The following PHTF2 variants were observed in gnomAD, a reference collection of about 807,000 sequenced individuals.
PHTF2 encodes protein PHTF2.
Under a neutral mutation model 101.2 loss-of-function variants are expected in PHTF2, and 60 were observed. The ratio of observed to expected loss-of-function variants is 0.59; its 90% CI spans 0.48 to 0.73. PHTF2 has a LOEUF of 0.73. Among genes scored for constraint, PHTF2 ranks in the 30% least tolerant of loss-of-function variants. The probability of loss-of-function intolerance (pLI) is 0.00; values close to 1 mark genes in which losing one functional copy is unlikely to be tolerated. For missense variants in PHTF2, 747 were observed against 908.7 expected (o/e 0.82, Z 2.29); for synonymous variants, 311 against 307.3 (o/e 1.01, Z -0.13).
intron 2 of PHTF2, among the ~76,000 whole-genome samples, chr7:77,842,467 C>T (rs2150584563): frequency 6.6e-6 from 1 of 152,198 alleles, no homozygotes; most frequent in African/African-American, 2.4e-5. Context: ...ATTTGATTTG[C>T]TCTATTTTTT....
intron 1 of PHTF2, among the ~76,000 whole-genome samples, chr7:77,807,552 A>AT (rs1392257350): frequency 4.6e-5 from 7 of 152,066 alleles, no homozygotes; most frequent in African/African-American, 9.7e-5. Flanking sequence ...AGGTTATTTG[A>AT]TTTTTTGTTA....
intron 16 of PHTF2, among the ~76,000 whole-genome samples, chr7:77,945,215 G>A (rs996255051): frequency 4.6e-5 from 7 of 152,286 alleles, no homozygotes; most frequent in Admixed American, 6.5e-5. Flanking sequence ...GCTCGCGCCT[G>A]TAATCGCAGC....
At chr7:77,941,476 A>G (rs963023288) in intron 15 of PHTF2, among the ~76,000 whole-genome samples, 1 of 152,154 alleles carries the variant, frequency 6.6e-6, no homozygotes, top group African/African-American at 2.4e-5. Flanking sequence ...ATTCTTTTGT[A>G]CATTGATTAT....
In PHTF2 at chr7:77,920,484, A is replaced by G. The variant is rs1226804981; in HGVS notation, c.963+19A>G. The G allele has an allele frequency of 6.3e-7, 1 of 1,596,202 alleles. No homozygotes were observed. Among genetic ancestry groups the G allele is most frequent in the African/African-American group, 1.3e-5 (1 of 74,716 alleles). ...TAGCAAAGTACGTGTGATTTTTAAAATAGTTTGCCTATGTGATTTTATATT... is the reference window on the plus strand; with the variant it reads ...TAGCAAAGTACGTGTGATTTTTAAAGTAGTTTGCCTATGTGATTTTATATT... On this transcript the variant is annotated intron_variant, in intron 10 of 19. Coordinates refer to ENST00000416283, the Ensembl canonical transcript of PHTF2.
At chr7:77,849,100 A>G (rs1321839299) in intron 2 of PHTF2, among the ~76,000 whole-genome samples, 4 of 151,896 alleles carry the variant, frequency 2.6e-5, no homozygotes, top group African/African-American at 9.7e-5. Context: ...TTTTTATGCT[A>G]GTACCATGCT....
chr7:77,826,670 T>C (rs777659361), intron 1 of PHTF2, among the ~76,000 whole-genome samples: 5 of 152,182 alleles, frequency 3.3e-5, no homozygotes, highest in Non-Finnish European at 5.9e-5. Flanking sequence ...CTTGGCCACA[T>C]CTAACTGCAA....
intron 3 of PHTF2, among the ~76,000 whole-genome samples, chr7:77,884,363 T>C (rs1799651019): frequency 6.6e-6 from 1 of 152,106 alleles, no homozygotes; most frequent in South Asian, 2.1e-4. Context: ...GTATGTAGTT[T>C]TTTATCCCTC....
chr7:77,898,369 A>G (rs1385340187), intron 5 of PHTF2, among the ~76,000 whole-genome samples: 1 of 152,208 alleles, frequency 6.6e-6, no homozygotes, highest in Non-Finnish European at 1.5e-5. Flanking sequence ...AAAATGTGTT[A>G]CTGTTTTCAA....
intron 3 of PHTF2, among the ~76,000 whole-genome samples, chr7:77,888,797 T>C (rs965784601): frequency 1.3e-5 from 2 of 152,230 alleles, no homozygotes; most frequent in South Asian, 2.1e-4. Context: ...GTCAAACTTA[T>C]GTGACTCAAT....
At chr7:77,891,092 A>G (rs529292319) in intron 3 of PHTF2, among the ~76,000 whole-genome samples, 1 of 149,218 alleles carries the variant, frequency 6.7e-6, no homozygotes, top group African/African-American at 2.5e-5. Context: ...TGTTTTTTGA[A>G]GAGACAGGGT....
At chr7:77,803,004 G>T (rs1295438925) in intron 1 of PHTF2, among the ~76,000 whole-genome samples, 6 of 152,184 alleles carry the variant, frequency 3.9e-5, no homozygotes, top group Non-Finnish European at 5.9e-5. Flanking sequence ...TAGGAAAACT[G>T]CATTTTTAGT....
chr7:77,815,328 A>G (rs1364898531), intron 1 of PHTF2, among the ~76,000 whole-genome samples: 4 of 152,172 alleles, frequency 2.6e-5, no homozygotes, highest in Non-Finnish European at 5.9e-5. Flanking sequence ...GCAGATTTGC[A>G]TACGAAATCT....
intron 4 of PHTF2, 82 bp downstream of exon 3, chr7:77,893,746 A>G (rs967316337): frequency 3.0e-6 from 2 of 667,982 alleles, no homozygotes; most frequent in African/African-American, 1.8e-5. Context: ...GTTTTTTAAT[A>G]TACTTTTAAG....
chr7:77,936,548 C>T (rs956232946), intron 12 of PHTF2, among the ~76,000 whole-genome samples: 1 of 151,778 alleles, frequency 6.6e-6, no homozygotes, highest in African/African-American at 2.4e-5. Flanking sequence ...GTGGTGGGCG[C>T]CTATAGTCCC....
chr7:77,923,392 AC>A lies in PHTF2; in HGVS notation c.1119+616del, dbSNP rs1042804510. ...TGTTTATCACTTTTTTATAAACATT[AC>A]CTTCTACTCTTTTTGAGCTATGTTA... On this transcript the variant is annotated intron_variant, in intron 11 of 19. Coordinates refer to ENST00000416283, the Ensembl canonical transcript of PHTF2. 8 of 978,388 alleles carry A rather than the reference AC, an allele frequency of 8.2e-6. No individual in the cohort carries two copies. The African/African-American group carries it at 1.2e-4, about 15-fold the overall frequency. 60.6% of individuals were successfully genotyped at this position (978,388 alleles called of 1,614,324 possible). A position where few individuals can be genotyped will look rare whatever the true frequency, so the allele number is the denominator to read the frequency against.
intron 1 of PHTF2, among the ~76,000 whole-genome samples, chr7:77,805,237 T>C (rs1792879661): frequency 6.6e-6 from 1 of 152,202 alleles, no homozygotes; most frequent in Non-Finnish European, 1.5e-5. Context: ...ATTAATCTTT[T>C]TAATATCTGT....
At chr7:77,814,937 C>T (rs1793740455) in intron 1 of PHTF2, among the ~76,000 whole-genome samples, 1 of 151,958 alleles carries the variant, frequency 6.6e-6, no homozygotes, top group Admixed American at 6.6e-5. Flanking sequence ...ATTAGCCAGA[C>T]TTGGTGGCGT....
In PHTF2 at chr7:77,831,441, A is replaced by G. The variant is rs991539246; in HGVS notation, c.-35-8780A>G. 9.8e-5 allele frequency among the ~76,000 whole-genome samples: 15 copies of G among 152,324 alleles called. No homozygotes were observed. In the South Asian group the frequency reaches 1.5e-3, roughly 15 times the overall value. On this transcript the variant is annotated intron_variant, in intron 1 of 19. Transcript: ENST00000416283. ...GAGGCTGCAGTTCAGAAGGTGGCAC[A>G]TGTTCTTTTTTCAGCTAGTACCATA...
Position 77,957,230 on chromosome 7 carries a change from G to A in PHTF2, c.*2352G>A, listed in dbSNP as rs79841233. The A allele has an allele frequency of 3.4e-5, 5 of 145,180 alleles. No individual in the cohort carries two copies. Among genetic ancestry groups the A allele is most frequent in the African/African-American group, 1.3e-4 (5 of 39,624 alleles). The allele number at this position is 145,180 out of a possible 1,614,324, so 9.0% of individuals were successfully genotyped here. A position where few individuals can be genotyped will look rare whatever the true frequency, so the allele number is the denominator to read the frequency against. On this transcript the variant is annotated 3_prime_UTR_variant, in exon 20 of 20. Coordinates refer to ENST00000416283, the Ensembl canonical transcript of PHTF2. ...AATAAAACATTCTGTGACTGACGGT[G>A]TTTTTTTTTTTAATTTTCAGGTCAT...
Sources: gnomAD v4.1 joint callset for allele counts (sites outside exome capture counted in the v4.1 genomes callset) on GRCh38, gnomAD v4.1.1 for gene constraint, MANE v1.5 for transcripts, NCBI Gene and HGNC (gene_info 2026-07-23, HGNC 2026-07-21) for gene names.